Variants in GRM4 observed in about 807,000 individuals in gnomAD.
The protein encoded by GRM4 is metabotropic glutamate receptor 4.
GRM4 carries 28 observed loss-of-function variants against 81.7 expected under a neutral mutation model. That is an observed-to-expected ratio of 0.34 (90% CI 0.25 to 0.47). The LOEUF (loss-of-function observed/expected upper bound fraction) is 0.47. Among genes scored for constraint, GRM4 ranks in the 20% least tolerant of loss-of-function variants. The probability of loss-of-function intolerance (pLI) is 1.00; values close to 1 mark genes in which losing one functional copy is unlikely to be tolerated. For missense variants in GRM4, 948 were observed against 1,290.0 expected (o/e 0.73, Z 4.06); for synonymous variants, 488 against 528.8 (o/e 0.92, Z 1.06).
intron 1 of GRM4, among the ~76,000 whole-genome samples, chr6:34,144,191 T>C (rs995866544): frequency 7.2e-5 from 11 of 152,174 alleles, no homozygotes; most frequent in African/African-American, 2.7e-4. Flanking sequence ...CCGCCGCCGA[T>C]GCTGCTGCCC....
chr6:34,099,067 A>G (rs1010393946), intron 2 of GRM4, among the ~76,000 whole-genome samples: 2 of 152,188 alleles, frequency 1.3e-5, no homozygotes, highest in African/African-American at 4.8e-5. Flanking sequence ...TAACCAGCCT[A>G]GTTGGGGAGT....
rs1561819941 is a variant in GRM4, at chr6:34,111,974, A to G, written c.520-19875T>C. ...AGGAGACTTGCCTGGAGATTCTGAA[A>G]TGGGGAGGTCTCCTCACTCACCCCA... On this transcript the variant is annotated intron_variant, in intron 2 of 10. Transcript: ENST00000538487. This position sits in a 1 kb window ranked among gnomAD's most constrained non-coding sequence, Gnocchi z 5.1. 2.6e-5 allele frequency among the ~76,000 whole-genome samples: 4 copies of G among 152,144 alleles called. No homozygotes were observed. The South Asian group carries it at 6.2e-4, about 24-fold the overall frequency.
intron 6 of GRM4, among the ~76,000 whole-genome samples, chr6:34,049,784 T>C (rs1326595224): frequency 6.6e-6 from 1 of 152,050 alleles, no homozygotes; most frequent in Non-Finnish European, 1.5e-5. Flanking sequence ...ACGGCCACAC[T>C]GCAAAGTTTA....
chr6:34,146,467 C>A (rs1770934612), upstream of GRM4, among the ~76,000 whole-genome samples: 1 of 152,184 alleles, frequency 6.6e-6, no homozygotes, highest in Admixed American at 6.5e-5. Flanking sequence ...AGCCAGCTCG[C>A]CCCCTTCCCA....
rs868703244 is a variant in GRM4 at position 34,133,534 on chromosome 6, C to T, written c.-38G>A. ...TAGAGACCCATGAACGGCAGGCCCA[C>T]TCCTAGCCCTGGCAGGCCCCTGGCC... is the stretch of plus-strand genomic sequence containing the variant. On this transcript the variant is annotated 5_prime_UTR_variant, in exon 2 of 11. It adds an upstream start codon to the 5' untranslated region. Transcript: ENST00000538487. This position sits in a 1 kb window ranked among gnomAD's most constrained non-coding sequence, Gnocchi z 6.5. 1 of 1,511,324 alleles carries T rather than the reference C, an allele frequency of 6.6e-7. No homozygotes were observed. The highest frequency in any genetic ancestry group is 1.3e-5 in the South Asian group (1 of 75,116). The allele number at this position is 1,511,324 out of a possible 1,614,324, so 93.6% of individuals were successfully genotyped here. A position where few individuals can be genotyped will look rare whatever the true frequency, so the allele number is the denominator to read the frequency against.
intron 6 of GRM4, among the ~76,000 whole-genome samples, chr6:34,051,653 G>C (rs1007063980): frequency 6.6e-6 from 1 of 152,178 alleles, no homozygotes; most frequent in Non-Finnish European, 1.5e-5. Context: ...GAGGAAAGGA[G>C]GAGGCAGGCG....
rs1219455359 is a variant in GRM4 at position 34,080,880 on chromosome 6, A to ACG, written c.736+11002_736+11003insCG. 2.6e-5 allele frequency among the ~76,000 whole-genome samples: 4 copies of ACG among 151,350 alleles called. No individual in the cohort carries two copies. Among genetic ancestry groups the ACG allele is most frequent in the Non-Finnish European group, 4.4e-5 (3 of 67,776 alleles). On this transcript the variant is annotated intron_variant, in intron 3 of 10. Coordinates refer to ENST00000538487, the MANE Select transcript of GRM4 (RefSeq NM_000841.4). This position sits in a 1 kb window ranked among gnomAD's most constrained non-coding sequence, Gnocchi z 5.4. Reference sequence around the variant, plus strand: ...CACATACACATACATATACACACACACACACACACAACCCTTACCATGCCA... The same window carrying ACG: ...CACATACACATACATATACACACACACGCACACACACAACCCTTACCATGCCA...
chr6:34,064,236 T>C lies in GRM4; in HGVS notation c.737-2208A>G, dbSNP rs111446409. ...GGGGGTGTGCAGAGCTCCGTAATAC[T>C]AATGAACATTTATGGAGTGTCCAAT... On this transcript the variant is annotated intron_variant, in intron 3 of 10. Transcript: ENST00000538487. This position sits in a 1 kb window ranked among gnomAD's most constrained non-coding sequence, Gnocchi z 4.4. Among the ~76,000 whole-genome samples the C allele has an allele frequency of 6.9e-4, 105 of 152,306 alleles. No individual in the cohort carries two copies. The highest frequency in any genetic ancestry group is 2.4e-3 in the African/African-American group (98 of 41,558).
In GRM4 at chr6:34,032,425, C is replaced by T. The variant is rs555199785; in HGVS notation, c.2442+3243G>A. On this transcript the variant is annotated intron_variant, in intron 9 of 10. Transcript: ENST00000538487. ...GCTTGCACTGGGGCATCTTGCAGCT[C>T]GGCATGACATGGCCCAGACACAGCC... Among the ~76,000 whole-genome samples, 8 of 152,346 alleles carry T rather than the reference C, an allele frequency of 5.3e-5. No individual in the cohort carries two copies. In the East Asian group the frequency reaches 7.7e-4, roughly 15 times the overall value.
chr6:34,056,688 G>T lies in GRM4; in HGVS notation c.1028-4C>A. The T allele has an allele frequency of 6.2e-7, 1 of 1,612,548 alleles. No individual in the cohort carries two copies. The highest frequency in any genetic ancestry group is 2.2e-5 in the East Asian group (1 of 44,842). On this transcript the variant is annotated splice_polypyrimidine_tract_variant and splice_region_variant and intron_variant, in intron 5 of 10. Transcript: ENST00000538487. ...CTGGAGAAGTAGCGGTCGAAGCCTG[G>T]CAGGGAACCAGGACGTCAGGGCCTC...
chr6:34,116,024 G>A (rs1769585704), intron 2 of GRM4, among the ~76,000 whole-genome samples: 1 of 152,228 alleles, frequency 6.6e-6, no homozygotes, highest in Non-Finnish European at 1.5e-5. Flanking sequence ...CTGGGGCACA[G>A]ACTCAGAATG....
upstream of GRM4, among the ~76,000 whole-genome samples, chr6:34,149,916 T>C (rs1178181858): frequency 6.6e-6 from 1 of 152,210 alleles, no homozygotes; most frequent in Non-Finnish European, 1.5e-5. Flanking sequence ...GCATCAAAGC[T>C]ATTCCCTGCC....
chr6:34,074,371 C>T lies in GRM4; in HGVS notation c.737-12343G>A, dbSNP rs1767200732. On this transcript the variant is annotated intron_variant, in intron 3 of 10. Coordinates refer to ENST00000538487, the MANE Select transcript of GRM4 (RefSeq NM_000841.4). This position sits in a 1 kb window ranked among gnomAD's most constrained non-coding sequence, Gnocchi z 4.9. ...GCGGATTGCCCGTGGACAGGGTCAG[C>T]CCCTAGGGGATATTTTGGGGTGTGG... 6.6e-6 allele frequency among the ~76,000 whole-genome samples: 1 copy of T among 152,198 alleles called. No homozygotes were observed. The highest frequency in any genetic ancestry group is 1.5e-5 in the Non-Finnish European group (1 of 68,034).
chr6:34,120,707 C>A (rs901690563), intron 2 of GRM4, among the ~76,000 whole-genome samples: 5 of 152,146 alleles, frequency 3.3e-5, no homozygotes, highest in African/African-American at 1.2e-4. Flanking sequence ...AGCCAACCTC[C>A]ACACACGAGC....
intron 3 of GRM4, among the ~76,000 whole-genome samples, chr6:34,082,044 T>A: frequency 6.6e-6 from 1 of 151,082 alleles, no homozygotes; most frequent in East Asian, 2.0e-4. Flanking sequence ...GCGGGACAGA[T>A]CCCTGTCCAA....
intron 3 of GRM4, among the ~76,000 whole-genome samples, chr6:34,088,861 T>C (rs1044367192): frequency 1.2e-4 from 19 of 152,168 alleles, no homozygotes; most frequent in Admixed American, 2.6e-4. Flanking sequence ...CCAGAGCATG[T>C]GTAGACAAGG....
chr6:34,140,450 C>A (rs1203155630), intron 1 of GRM4, among the ~76,000 whole-genome samples: 1 of 152,122 alleles, frequency 6.6e-6, no homozygotes, highest in Non-Finnish European at 1.5e-5. Flanking sequence ...AGGGACTCAT[C>A]ACCAGAGAAA....
chr6:34,027,042 G>A (rs1169130224), intron 10 of GRM4, among the ~76,000 whole-genome samples: 1 of 152,132 alleles, frequency 6.6e-6, no homozygotes, highest in Non-Finnish European at 1.5e-5. Flanking sequence ...GGCCAAAGGT[G>A]GGAGTCCCAT....
rs1565356 is a variant in GRM4 at position 34,078,288 on chromosome 6, C to A, written c.736+13595G>T. On this transcript the variant is annotated intron_variant, in intron 3 of 10. Coordinates refer to ENST00000538487, the MANE Select transcript of GRM4 (RefSeq NM_000841.4). The surrounding 1 kb of genome is among the most constrained non-coding windows in gnomAD (Gnocchi z 4.8). ...CTTCTGCTTCTTCTCTGTCTCCCCC[C>A]AAATACACACTCTCTTCGATCATTG... Among the ~76,000 whole-genome samples the A allele has an allele frequency of 0.14, 20,980 of 152,042 alleles. 2,157 individuals carry two copies. Among genetic ancestry groups the A allele is most frequent in the African/African-American group, 0.28 (11,772 of 41,380 alleles).
Sources: allele counts gnomAD v4.1 joint callset (sites outside exome capture counted in the v4.1 genomes callset), GRCh38; gene constraint gnomAD v4.1.1; non-coding constraint Gnocchi (gnomAD v3.1); transcripts MANE v1.5; gene names NCBI Gene and HGNC (gene_info 2026-07-23, HGNC 2026-07-21).